SULT1A2: variants seen among roughly 807,000 people sequenced by gnomAD.
SULT1A2 encodes the protein sulfotransferase family 1A member 2.
In SULT1A2, 33 loss-of-function variants were observed where a neutral mutation model predicts 36.0. The ratio of observed to expected loss-of-function variants is 0.92; its 90% confidence interval spans 0.69 to 1.22. SULT1A2 has a LOEUF of 1.22. Ranked by LOEUF, SULT1A2 falls within the 50% of genes most tolerant of loss-of-function variation. SULT1A2 has a pLI of 0.00. For missense variants in SULT1A2, 367 were observed against 383.2 expected (o/e 0.96, Z 0.35); for synonymous variants, 138 against 144.5 (o/e 0.96, Z 0.32).
At chr16:28,595,256 G>T in intron 4 of SULT1A2, 111 bp downstream of exon 4, 1 of 1,250,082 alleles carries the variant, frequency 8.0e-7, no homozygotes, top group Non-Finnish European at 1.1e-6. Context: ...GCACAGCTAA[G>T]TTTTTTTTTT....
intron 4 of SULT1A2, 135 bp downstream of exon 4, chr16:28,595,232 G>A: frequency 2.6e-6 from 3 of 1,152,566 alleles, no homozygotes; most frequent in East Asian, 5.0e-5. Context: ...GGTATTACAG[G>A]CACACACCAC....
At position 28,595,429 on chromosome 16, in the gene SULT1A2, G is replaced by C; in HGVS notation, c.310C>G (p.Leu104Val). Residue 104 changes from leucine (L) to valine (V), a missense_variant, in exon 4 of 8, where the codon CTC (leucine) becomes GTC (valine). Coordinates refer to ENST00000335715, the MANE Select transcript of SULT1A2 (RefSeq NM_001054.4). ...ETLKNTPAPRLLKTHLPLALL... is the reference protein window; with the variant it reads ...ETLKNTPAPRVLKTHLPLALL... Reference sequence around the variant, plus strand: ...GCCAGGGGCAGGTGTGTCTTCAGGAGTCGTGGGGCTGGTGTGTTTTTCAGA... The same window carrying C: ...GCCAGGGGCAGGTGTGTCTTCAGGACTCGTGGGGCTGGTGTGTTTTTCAGA... 5 of 1,614,120 alleles carry C rather than the reference G, an allele frequency of 3.1e-6. No homozygotes were observed. Among genetic ancestry groups the C allele is most frequent in the Non-Finnish European group, 4.2e-6 (5 of 1,180,026 alleles).
intron 4 of SULT1A2, 59 bp downstream of exon 4, chr16:28,595,308 C>T: frequency 6.2e-7 from 1 of 1,601,030 alleles, no homozygotes; most frequent in Non-Finnish European, 8.5e-7. Context: ...AGGGATCTTC[C>T]CACCTCAGCC....
chr16:28,593,055 A>C (rs763138514), intron 6 of SULT1A2, among the ~76,000 whole-genome samples, 197 bp downstream of exon 6: 8 of 151,960 alleles, frequency 5.3e-5, no homozygotes, highest in Non-Finnish European at 4.4e-5. Flanking sequence ...CAGCTGACTC[A>C]GGCACAGGAG....
intron 1 of SULT1A2, 37 bp downstream of exon 1, chr16:28,596,960 G>C: frequency 1.6e-6 from 2 of 1,224,242 alleles, no homozygotes; most frequent in Admixed American, 2.6e-5. Flanking sequence ...GCTGAGCAGG[G>C]TGAGGGCGTC....
At chr16:28,594,109 G>GT (rs887009473) in intron 4 of SULT1A2, among the ~76,000 whole-genome samples, 1 of 132,888 alleles carries the variant, frequency 7.5e-6, no homozygotes, top group South Asian at 2.3e-4. Context: ...TTTTTTTTTG[G>GT]GGGGGGGGAC....
chr16:28,595,303 T>A, intron 4 of SULT1A2, 64 bp downstream of exon 4: 1 of 1,594,584 alleles, frequency 6.3e-7, no homozygotes, highest in African/African-American at 1.3e-5. Context: ...CTTCAAGGGA[T>A]CTTCCCACCT....
intron 6 of SULT1A2, among the ~76,000 whole-genome samples, chr16:28,592,720 A>C (rs1278608800): frequency 6.6e-6 from 1 of 152,150 alleles, no homozygotes; most frequent in African/African-American, 2.4e-5. Flanking sequence ...GGCAGGGAGA[A>C]GCAATTGGAA....
At chr16:28,596,311 C>T (rs1045599566) in intron 1 of SULT1A2, 36 of 1,167,904 alleles carry the variant, frequency 3.1e-5, no homozygotes, top group Middle Eastern at 3.8e-4. Context: ...CCAGCCAGCG[C>T]CCTTTGTCTC....
In SULT1A2 at chr16:28,592,121, C is replaced by T. The variant is rs769826072; in HGVS notation, c.795G>A (p.Lys265=). Residue 265 remains lysine, a synonymous_variant, in exon 8 of 8, where the codon AAG becomes AAA. Transcript: ENST00000335715. ...CATTCTGCGCCACGGTGAAGGTGGT[C>T]TTCCAGTCCCCAGCCATGCCTGGGG... The part of the protein sequence containing the change: ...FMRKGMAGDW[K]TTFTVAQNER... 1.2e-6 allele frequency: 2 copies of T among 1,611,954 alleles called. No individual in the cohort carries two copies. The highest frequency in any genetic ancestry group is 4.5e-5 in the East Asian group (2 of 44,884).
In SULT1A2 at chr16:28,595,808, C is replaced by T. The variant is rs2151666910; in HGVS notation, c.123G>A (p.Leu41=). The T allele has an allele frequency of 1.2e-6, 2 of 1,612,354 alleles. No homozygotes were observed. The highest frequency in any genetic ancestry group is 1.7e-5 in the Admixed American group (1 of 59,978). Residue 41 remains leucine (L), a synonymous_variant, in exon 2 of 8, where the codon CTG becomes CTA. Transcript: ENST00000335715. ...LQSFQARPDD[L]LISTYPKSGT... ...CGGACTTGGGGTAGGTGCTGATGAG[C>T]AGGTCATCAGGCCGGGCCTGGAAGC...
At chr16:28,596,276 A>G in intron 1 of SULT1A2, 1 of 1,249,342 alleles carries the variant, frequency 8.0e-7, no homozygotes, top group Admixed American at 3.6e-5. Context: ...AGGAACCTCT[A>G]GGACCTTCCT....
Position 28,595,063 on chromosome 16 carries a change from G to A in SULT1A2, c.372+304C>T, listed in dbSNP as rs190144946. Among the ~76,000 whole-genome samples the A allele has an allele frequency of 2.3e-3, 344 of 152,110 alleles. 1 individual carries two copies. The highest frequency in any genetic ancestry group is 7.3e-3 in the African/African-American group (303 of 41,490). On this transcript the variant is annotated intron_variant, in intron 4 of 7. Transcript: ENST00000335715. ...CTCTTCAAGTGCTGGAATTACAGGTGTGAGCCACCGCACTGGTGGGACACT... is the reference window on the plus strand; with the variant it reads ...CTCTTCAAGTGCTGGAATTACAGGTATGAGCCACCGCACTGGTGGGACACT...
chr16:28,593,430 C>A lies in SULT1A2; in HGVS notation c.499+12G>T, dbSNP rs780168360. 5.5e-5 allele frequency: 88 copies of A among 1,614,174 alleles called. No individual in the cohort carries two copies. In the Admixed American group the frequency reaches 9.0e-4, roughly 17 times the overall value. On this transcript the variant is annotated intron_variant, in intron 5 of 7. Coordinates refer to ENST00000335715, the MANE Select transcript of SULT1A2 (RefSeq NM_001054.4). ...CTTAGCTCCACACCTTCCTTCCTCC[C>A]ATCAAGCCCACCTTCTCCAGCCATG...
chr16:28,593,621 G>A, intron 4 of SULT1A2, 53 bp from the exon 5 acceptor site: 5 of 1,608,388 alleles, frequency 3.1e-6, no homozygotes, highest in East Asian at 4.5e-5. Flanking sequence ...GCCTGCCCCA[G>A]GCCAGCTCAT....
Position 28,592,286 on chromosome 16 carries a change from C to T in SULT1A2, c.752G>A (p.Ser251Asn). The change falls in exon 7 of 8, where the codon AGC becomes AAC. Residue 251 changes from serine (S) to asparagine (N), a missense_variant. Transcript: ENST00000335715. ...TTVRREFMDH[S>N]ISPFMRKGMA... ...ACCTTTCCTCATGAAGGGGGAGATGCTGTGGTCCATGAACTCCCGGCGGAC... is the reference window on the plus strand; with the variant it reads ...ACCTTTCCTCATGAAGGGGGAGATGTTGTGGTCCATGAACTCCCGGCGGAC... The T allele has an allele frequency of 1.2e-6, 2 of 1,614,000 alleles. No homozygotes were observed. The highest frequency in any genetic ancestry group is 1.7e-6 in the Non-Finnish European group (2 of 1,179,878).
chr16:28,592,564 G>C, intron 6 of SULT1A2, 121 bp from the exon 7 acceptor site: 2 of 1,550,540 alleles, frequency 1.3e-6, no homozygotes, highest in East Asian at 4.8e-5. Flanking sequence ...CATAGAGCCA[G>C]CTCCTCGACC....
At chr16:28,593,386 T>G (rs1299347389) in intron 5 of SULT1A2, 40 bp from the exon 6 acceptor site, 1 of 1,614,128 alleles carries the variant, frequency 6.2e-7, no homozygotes, top group South Asian at 1.1e-5. Context: ...AGGGTTGCTG[T>G]GCGTTGTAGC....
rs375257687 is a variant in SULT1A2 at position 28,594,557 on chromosome 16, A to G, written c.372+810T>C. 7.7e-3 allele frequency among the ~76,000 whole-genome samples: 1,178 copies of G among 152,236 alleles called. 6 individuals carry two copies. Among genetic ancestry groups the G allele is most frequent in the Non-Finnish European group, 0.011 (780 of 68,012 alleles). Reference sequence around the variant, plus strand: ...AACCACCGCCTCCCAGGTGCAAGCTATTCTCCTGCCTCAGCCTCCCGAGTA... The same window carrying G: ...AACCACCGCCTCCCAGGTGCAAGCTGTTCTCCTGCCTCAGCCTCCCGAGTA... On this transcript the variant is annotated intron_variant, in intron 4 of 7. Coordinates refer to ENST00000335715, the MANE Select transcript of SULT1A2 (RefSeq NM_001054.4).
Sources: allele counts gnomAD v4.1 joint callset (sites outside exome capture counted in the v4.1 genomes callset), GRCh38; gene constraint gnomAD v4.1.1; transcripts MANE v1.5; gene names NCBI Gene and HGNC (gene_info 2026-07-23, HGNC 2026-07-21).